The following SEPTIN7 variants were observed in gnomAD, a reference collection of about 807,000 sequenced individuals.
The protein encoded by SEPTIN7 is septin-7.
SEPTIN7 carries 10 observed loss-of-function variants against 63.3 expected under a neutral mutation model. The ratio of observed to expected loss-of-function variants is 0.16; its 90% CI spans 0.10 to 0.27. The LOEUF (loss-of-function observed/expected upper bound fraction) is 0.27. Ranked by LOEUF, SEPTIN7 falls within the 10% of genes least tolerant of loss-of-function variation. The pLI, the probability that SEPTIN7 is intolerant of heterozygous loss-of-function variation, is 1.00. For synonymous variants in SEPTIN7, 131 were observed against 165.3 expected, an observed-to-expected ratio of 0.79 and a Z score of 1.59; for missense variants, 310 against 521.0, an observed-to-expected ratio of 0.59 and a Z score of 3.94.
At chr7:35,883,058 G>T (rs1239776519) in intron 8 of SEPTIN7, among the ~76,000 whole-genome samples, 4 of 152,016 alleles carry the variant, frequency 2.6e-5, no homozygotes, top group Non-Finnish European at 4.4e-5. Context: ...GATTATGAAT[G>T]TTCCCAATAC....
chr7:35,884,213 TGTA>T lies in SEPTIN7; in HGVS notation c.820+230_820+232del, dbSNP rs1234840484. On this transcript the variant is annotated intron_variant, in intron 9 of 13. Coordinates refer to ENST00000350320, the MANE Select transcript of SEPTIN7 (RefSeq NM_001788.6). ...GCAAGTGTGTGTTAAGTCCTAAAGT[TGTA>T]GTATAGGTTGAACATTCTTAAAGAG... Among the ~76,000 whole-genome samples, 5 of 152,132 alleles carry T rather than the reference TGTA, an allele frequency of 3.3e-5. No individual in the cohort carries two copies. In the South Asian group the frequency reaches 1.0e-3, roughly 31 times the overall value.
intron 1 of SEPTIN7, among the ~76,000 whole-genome samples, chr7:35,828,977 A>G (rs959714828): frequency 6.6e-6 from 1 of 152,044 alleles, no homozygotes; most frequent in Non-Finnish European, 1.5e-5. Context: ...AAAACTCTCT[A>G]GTGTCTTCCT....
chr7:35,832,931 T>C (rs200876106), intron 3 of SEPTIN7, 31 bp downstream of exon 3: 37 of 1,313,356 alleles, frequency 2.8e-5, no homozygotes, highest in Non-Finnish European at 4.1e-5. Flanking sequence ...AAAATGGAAC[T>C]TTGGTTTAAG....
intron 3 of SEPTIN7, among the ~76,000 whole-genome samples, chr7:35,848,358 C>T (rs901122830): frequency 6.6e-6 from 1 of 150,516 alleles, no homozygotes; most frequent in African/African-American, 2.5e-5. Flanking sequence ...AGCTCCGCCT[C>T]CCGGGTTCAC....
At chr7:35,882,870 A>G (rs1346944051) in intron 8 of SEPTIN7, among the ~76,000 whole-genome samples, 1 of 152,086 alleles carries the variant, frequency 6.6e-6, no homozygotes, top group Non-Finnish European at 1.5e-5. Flanking sequence ...GTGATGAGAA[A>G]GGAGAGAATT....
chr7:35,851,413 G>A (rs2715600), intron 3 of SEPTIN7, among the ~76,000 whole-genome samples: 78,952 of 151,964 alleles, frequency 0.52, 23,652 homozygotes, highest in African/African-American at 0.84. Context: ...TTCAAAGTCA[G>A]AATAAATGTA....
chr7:35,873,752 C>T lies in SEPTIN7; in HGVS notation c.489C>T (p.Tyr163=). ...MPDNRVQCCL[Y]FIAPSGHGLK... is the part of the protein sequence containing the mutation. The stretch of plus-strand genomic sequence containing the variant: ...ATAACAGGGTGCAGTGTTGTTTATA[C>T]TTCATTGCTCCTTCAGGACATGGGT... Residue 163 remains tyrosine (Y), a synonymous_variant, in exon 6 of 14, where the codon TAC becomes TAT. Transcript: ENST00000350320. The T allele has an allele frequency of 6.2e-7, 1 of 1,610,526 alleles. No individual in the cohort carries two copies.
intron 3 of SEPTIN7, among the ~76,000 whole-genome samples, chr7:35,834,915 C>T (rs540675656): frequency 1.3e-5 from 2 of 152,074 alleles, no homozygotes; most frequent in South Asian, 2.1e-4. Context: ...TCCCACATTA[C>T]GACAGTTCAT....
chr7:35,841,450 T>A (rs1449589909), intron 3 of SEPTIN7, among the ~76,000 whole-genome samples: 1 of 152,130 alleles, frequency 6.6e-6, no homozygotes, highest in African/African-American at 2.4e-5. Flanking sequence ...TACAAGAAAC[T>A]CCAGTGTCGA....
intron 12 of SEPTIN7, chr7:35,900,470 A>C (rs776366935): frequency 3.9e-5 from 6 of 152,242 alleles, no homozygotes; most frequent in Non-Finnish European, 7.3e-5. Context: ...ATGAATAATT[A>C]AAGTTCTTAA....
chr7:35,834,967 A>AT lies in SEPTIN7; in HGVS notation c.169+2077dup, dbSNP rs141753926. On this transcript the variant is annotated intron_variant, in intron 3 of 13. Transcript: ENST00000350320. ...GATATCAACTGAGAATCTGTAACAGATTTTTTTTTTATTAAACTCTTTGTA... is the reference window on the plus strand; with the variant it reads ...GATATCAACTGAGAATCTGTAACAGATTTTTTTTTTTATTAAACTCTTTGTA... Among the ~76,000 whole-genome samples, 432 of 150,436 alleles carry AT rather than the reference A, an allele frequency of 2.9e-3. 1 individual carries two copies. The highest frequency in any genetic ancestry group is 9.5e-3 in the African/African-American group (390 of 41,092).
At chr7:35,871,616 C>G (rs968260690) in intron 4 of SEPTIN7, among the ~76,000 whole-genome samples, 1 of 152,090 alleles carries the variant, frequency 6.6e-6, no homozygotes, top group Non-Finnish European at 1.5e-5. Context: ...TCTTAGTCTC[C>G]GCATGTTAGT....
chr7:35,884,589 A>G (rs529557822), intron 9 of SEPTIN7, among the ~76,000 whole-genome samples: 1 of 152,150 alleles, frequency 6.6e-6, no homozygotes, highest in African/African-American at 2.4e-5. Flanking sequence ...GGAATCAAAC[A>G]TTTGGAGAGA....
At chr7:35,823,861 C>CT (rs567513786) in intron 1 of SEPTIN7, among the ~76,000 whole-genome samples, 3,266 of 151,462 alleles carry the variant, frequency 0.022, 94 homozygotes, top group African/African-American at 0.064. Context: ...CTTCTCTTCT[C>CT]TTTTTTTTTG....
intron 1 of SEPTIN7, chr7:35,803,165 CTTTGG>C: frequency 1.0e-6 from 1 of 965,620 alleles, no homozygotes; most frequent in Non-Finnish European, 1.2e-6. Context: ...TTGTTGCAGG[CTTTGG>C]TTTGGAGATA....
intron 1 of SEPTIN7, among the ~76,000 whole-genome samples, chr7:35,806,578 A>G (rs1474275723): frequency 2.0e-5 from 3 of 152,206 alleles, no homozygotes; most frequent in Non-Finnish European, 4.4e-5. Context: ...GATTTTAAGT[A>G]TTTAGTTCAA....
chr7:35,839,430 C>T (rs1237521652), intron 3 of SEPTIN7, among the ~76,000 whole-genome samples: 1 of 152,020 alleles, frequency 6.6e-6, no homozygotes, highest in Non-Finnish European at 1.5e-5. Context: ...AAAAATTTTA[C>T]AGAATGGAAA....
At chr7:35,902,911 G>A (rs1320075502) in intron 12 of SEPTIN7, 165 bp from the exon 13 acceptor site, 3 of 1,071,632 alleles carry the variant, frequency 2.8e-6, no homozygotes, top group South Asian at 4.0e-5. Flanking sequence ...AGGTCCTAAA[G>A]GAGGAGGAGT....
chr7:35,854,160 C>G (rs1048769120), intron 3 of SEPTIN7, among the ~76,000 whole-genome samples: 5 of 152,060 alleles, frequency 3.3e-5, no homozygotes, highest in Non-Finnish European at 7.4e-5. Context: ...GAAAAAGCCC[C>G]AAATCCAACA....
Sources: gnomAD v4.1 joint callset for allele counts (sites outside exome capture counted in the v4.1 genomes callset) on GRCh38, gnomAD v4.1.1 for gene constraint, MANE v1.5 for transcripts, NCBI Gene and HGNC (gene_info 2026-07-23, HGNC 2026-07-21) for gene names.